Variants in INVS observed in about 807,000 individuals in gnomAD.
INVS encodes inversion of embryo turning homolog.
Under a neutral mutation model 108.8 loss-of-function variants are expected in INVS, and 86 were observed. The ratio of observed to expected loss-of-function variants is 0.79; its 90% CI spans 0.66 to 0.95. The LOEUF is 0.95. INVS is among the 40% of genes least tolerant of loss of function. The pLI is 0.00. For synonymous variants in INVS, 455 were observed against 473.5 expected (o/e 0.96, Z 0.51); for missense variants, 1,169 against 1,297.4 (o/e 0.90, Z 1.52).
intron 3 of INVS, among the ~76,000 whole-genome samples, chr9:100,200,267 C>T (rs1394876328): frequency 6.6e-6 from 1 of 152,176 alleles, no homozygotes; most frequent in Non-Finnish European, 1.5e-5. Context: ...CTAATTCCAA[C>T]ATCTGGGTTA....
chr9:100,203,598 G>C (rs1467301071), intron 3 of INVS, among the ~76,000 whole-genome samples: 1 of 145,954 alleles, frequency 6.9e-6, no homozygotes, highest in Non-Finnish European at 1.5e-5. Context: ...TGCCTCCCCA[G>C]TTCAAGCGAT....
At chr9:100,145,344 G>A (rs1193067028) in intron 3 of INVS, among the ~76,000 whole-genome samples, 4 of 151,910 alleles carry the variant, frequency 2.6e-5, no homozygotes, top group African/African-American at 7.3e-5. Context: ...AGGGATCAGG[G>A]CGCAGAGATA....
At chr9:100,144,344 C>A (rs1004969140) in intron 3 of INVS, among the ~76,000 whole-genome samples, 6 of 151,994 alleles carry the variant, frequency 3.9e-5, no homozygotes, top group Non-Finnish European at 8.8e-5. Flanking sequence ...GGTTTCAGGG[C>A]CGGAATTTAA....
chr9:100,224,826 G>T (rs1316694365), intron 3 of INVS, among the ~76,000 whole-genome samples: 1 of 151,656 alleles, frequency 6.6e-6, no homozygotes, highest in Non-Finnish European at 1.5e-5. Flanking sequence ...ATGTTGGCCA[G>T]GCTGGTCTAG....
intron 15 of INVS, 44 bp from the exon 16 acceptor site, chr9:100,297,892 G>C: frequency 1.2e-6 from 2 of 1,603,738 alleles, no homozygotes; most frequent in Non-Finnish European, 1.7e-6. Context: ...CAGGCCAAAC[G>C]TATCCCTGGC....
At chr9:100,210,059 A>G (rs776964691) in intron 3 of INVS, among the ~76,000 whole-genome samples, 7 of 152,280 alleles carry the variant, frequency 4.6e-5, no homozygotes, top group Middle Eastern at 3.4e-3. Flanking sequence ...CAGCTCAGGC[A>G]CTGTTTTCTC....
chr9:100,297,358 C>T (rs1833820552), intron 15 of INVS, among the ~76,000 whole-genome samples: 1 of 152,248 alleles, frequency 6.6e-6, no homozygotes, highest in Non-Finnish European at 1.5e-5. Context: ...TGCCTCCCAG[C>T]GATACTGGGT....
At position 100,292,815 on chromosome 9, in the gene INVS, A is replaced by G; in HGVS notation, c.2558A>G (p.Glu853Gly). 2.5e-6 allele frequency: 4 copies of G among 1,614,142 alleles called. No homozygotes were observed. The highest frequency in any genetic ancestry group is 3.4e-6 in the Non-Finnish European group (4 of 1,180,012). Residue 853 changes from glutamate (E) to glycine (G), a missense_variant, in exon 14 of 17, where the codon GAG (glutamate) becomes GGG (glycine). This residue lies in a region of INVS where 533 missense variants were observed against 536.0 expected (regional missense o/e 0.99). Coordinates refer to ENST00000262457, the MANE Select transcript of INVS (RefSeq NM_014425.5). The part of the protein sequence containing the change: ...GLYSHLPQST[E>G]ELRSGARRLE... Reference sequence around the variant, plus strand: ...TATTCACATTTGCCACAGAGCACAGAGGAGTTGAGGTCAGGAGCTAGGAGG... The same window carrying G: ...TATTCACATTTGCCACAGAGCACAGGGGAGTTGAGGTCAGGAGCTAGGAGG...
intron 11 of INVS, 21 bp from the exon 12 acceptor site, chr9:100,272,843 G>T: frequency 2.5e-6 from 4 of 1,589,868 alleles, no homozygotes; most frequent in Non-Finnish European, 3.5e-6. Flanking sequence ...AAAAAAAAAA[G>T]AAATCTTCCT....
chr9:100,117,237 A>G, intron 2 of INVS: 1 of 855,292 alleles, frequency 1.2e-6, no homozygotes, highest in Non-Finnish European at 1.9e-6. Flanking sequence ...TGGCCGTTGT[A>G]GTCCCCGATA....
chr9:100,154,426 T>G (rs1362184937), intron 3 of INVS, among the ~76,000 whole-genome samples: 2 of 144,662 alleles, frequency 1.4e-5, no homozygotes, highest in Non-Finnish European at 3.0e-5. Flanking sequence ...ATCTGCCCTC[T>G]TCAGCCTCCC....
At chr9:100,209,769 CAAAAAAA>C (rs58556710) in intron 3 of INVS, among the ~76,000 whole-genome samples, 24 of 72,302 alleles carry the variant, frequency 3.3e-4, no homozygotes, top group South Asian at 1.4e-3. Context: ...GACTCCGTCT[CAAAAAAA>C]AAAAAAAAAA....
At position 100,111,977 on chromosome 9, in the gene INVS, ACTTTCTTT is replaced by A. The variant is rs533301932; in HGVS notation, c.106+7367_106+7374del. ...TTTTCTAATCATTTAGGGGATATAT[ACTTTCTTT>A]CTTTCTTTCTTTCTTTTTTTGAGAC... On this transcript the variant is annotated intron_variant, in intron 2 of 16. Transcript: ENST00000262457. 2.5e-3 allele frequency among the ~76,000 whole-genome samples: 383 copies of A among 151,880 alleles called. 2 individuals carry two copies. Among genetic ancestry groups the A allele is most frequent in the Non-Finnish European group, 3.5e-3 (240 of 67,912 alleles).
At position 100,126,473 on chromosome 9, in the gene INVS, C is replaced by T. The variant is rs772644712; in HGVS notation, c.197C>T (p.Ala66Val). 12 of 1,613,976 alleles carry T rather than the reference C, an allele frequency of 7.4e-6. No homozygotes were observed. In the African/African-American group the frequency reaches 1.2e-4, roughly 16 times the overall value. ...GCTGACAGATTGGATTGTGCAGATG[C>T]TCTTCTGAAGGCAGGAGCAGATGTG... Reference protein sequence around the residue: ...VLADRLDCADALLKAGADVNK... With the variant: ...VLADRLDCADVLLKAGADVNK... Residue 66 changes from alanine to valine, a missense_variant, in exon 3 of 17, where the codon GCT becomes GTT. This residue lies in a region of INVS where 365 missense variants were observed against 397.5 expected (regional missense o/e 0.92). Coordinates refer to ENST00000262457, the MANE Select transcript of INVS (RefSeq NM_014425.5).
intron 2 of INVS, among the ~76,000 whole-genome samples, chr9:100,114,568 AGT>A (rs573516679): frequency 1.3e-5 from 2 of 151,050 alleles, no homozygotes; most frequent in Non-Finnish European, 1.5e-5. Flanking sequence ...TGCCCAGCTA[AGT>A]GTGTGTGTGT....
Position 100,296,389 on chromosome 9 carries a change from C to T in INVS, c.2787-528C>T, listed in dbSNP as rs114780584. 5.1e-3 allele frequency among the ~76,000 whole-genome samples: 778 copies of T among 152,280 alleles called. 9 individuals are homozygous for T. Among genetic ancestry groups the T allele is most frequent in the African/African-American group, 0.018 (732 of 41,554 alleles). On this transcript the variant is annotated intron_variant, in intron 14 of 16. Coordinates refer to ENST00000262457, the MANE Select transcript of INVS (RefSeq NM_014425.5). ...AGTAAGATGCAGCTCATACCTTTAC[C>T]ACTCTAAAGCCCCCTTTCGTCACCA...
chr9:100,144,727 G>C (rs958413709), intron 3 of INVS, among the ~76,000 whole-genome samples: 4 of 152,056 alleles, frequency 2.6e-5, no homozygotes, highest in Non-Finnish European at 5.9e-5. Flanking sequence ...GGCTGAGGAA[G>C]AATTGGGACT....
intron 2 of INVS, among the ~76,000 whole-genome samples, chr9:100,125,681 A>ATTTTT (rs68122542): frequency 2.0e-5 from 2 of 99,022 alleles, no homozygotes; most frequent in African/African-American, 4.1e-5. Flanking sequence ...ATCAACTGTG[A>ATTTTT]TTTTTTTTTT....
At chr9:100,165,634 C>T (rs1829339401) in intron 3 of INVS, among the ~76,000 whole-genome samples, 1 of 151,960 alleles carries the variant, frequency 6.6e-6, no homozygotes, top group African/African-American at 2.4e-5. Context: ...TCATTATGAA[C>T]AAGGCCTAGA....
Sources: gnomAD v4.1 joint callset for allele counts (sites outside exome capture counted in the v4.1 genomes callset) on GRCh38, gnomAD v4.1.1 for gene constraint, gnomAD v4.1.1 regional missense constraint, MANE v1.5 for transcripts, NCBI Gene and HGNC (gene_info 2026-07-23, HGNC 2026-07-21) for gene names.